NDST3: variants seen among roughly 807,000 people sequenced by gnomAD.
The protein encoded by NDST3 is bifunctional heparan sulfate N-deacetylase/N-sulfotransferase 3.
In NDST3, 58 loss-of-function variants were observed where a neutral mutation model predicts 96.1. That is an observed-to-expected ratio of 0.60 (90% CI 0.49 to 0.75). NDST3 has a LOEUF of 0.75. NDST3 is among the 30% of genes least tolerant of loss of function. The pLI is 0.00. For missense variants in NDST3, 788 were observed against 1,034.2 expected (o/e 0.76, Z 3.27); for synonymous variants, 333 against 359.7 (o/e 0.93, Z 0.84).
At chr4:118,078,107 G>A (rs916520036) in intron 2 of NDST3, among the ~76,000 whole-genome samples, 5 of 152,078 alleles carry the variant, frequency 3.3e-5, no homozygotes, top group Non-Finnish European at 5.9e-5. Flanking sequence ...AGGACCCCAC[G>A]GGGCTCTCAC....
rs1193005479 is a variant in NDST3, at chr4:118,098,008, T to C, written c.982-7010T>C. ...TTTTTAACACATAACACAAACCTTTTTTTGGAAGGGGGTGGGTTGCTGAAC... is the reference window on the plus strand; with the variant it reads ...TTTTTAACACATAACACAAACCTTTCTTTGGAAGGGGGTGGGTTGCTGAAC... On this transcript the variant is annotated intron_variant, in intron 2 of 13. Transcript: ENST00000296499. Among the ~76,000 whole-genome samples the C allele has an allele frequency of 6.0e-5, 9 of 150,812 alleles. No homozygotes were observed. In the Admixed American group the frequency reaches 6.0e-4, roughly 10 times the overall value.
intron 6 of NDST3, among the ~76,000 whole-genome samples, chr4:118,166,902 G>A (rs547786253): frequency 4.0e-5 from 6 of 151,758 alleles, no homozygotes; most frequent in South Asian, 2.1e-4. Flanking sequence ...TTACCTCAAC[G>A]TAATAAAAGC....
chr4:118,154,680 T>C (rs950899470), intron 6 of NDST3, among the ~76,000 whole-genome samples: 1 of 152,192 alleles, frequency 6.6e-6, no homozygotes, highest in Non-Finnish European at 1.5e-5. Context: ...CTTTTAATTT[T>C]TGATGGAGAA....
chr4:118,104,467 G>A (rs533199450), intron 2 of NDST3, among the ~76,000 whole-genome samples: 2 of 152,280 alleles, frequency 1.3e-5, no homozygotes, highest in African/African-American at 2.4e-5. Context: ...CTTATCAGAA[G>A]TAGGATATTT....
At chr4:118,076,843 C>T (rs924736456) in intron 2 of NDST3, among the ~76,000 whole-genome samples, 1 of 152,172 alleles carries the variant, frequency 6.6e-6, no homozygotes, top group Non-Finnish European at 1.5e-5. Flanking sequence ...AAAACTACTT[C>T]AGTCGTTTTG....
intron 2 of NDST3, chr4:118,055,601 TTACA>T (rs2110452022): frequency 6.6e-6 from 1 of 152,112 alleles, no homozygotes; most frequent in South Asian, 2.1e-4. Context: ...GTTGATTGTG[TTACA>T]TAAACAGCTG....
chr4:118,215,476 A>G (rs983965541), intron 6 of NDST3, among the ~76,000 whole-genome samples: 1 of 152,092 alleles, frequency 6.6e-6, no homozygotes, highest in Non-Finnish European at 1.5e-5. Context: ...TGGCTGAAAC[A>G]TGAATGGAGG....
In NDST3 at chr4:118,096,708, T is replaced by TAGATAGATAGAC. The variant is rs1476720051; in HGVS notation, c.982-8307_982-8306insTAGATAGACAGA. On this transcript the variant is annotated intron_variant, in intron 2 of 13. Coordinates refer to ENST00000296499, the MANE Select transcript of NDST3 (RefSeq NM_004784.3). ...ATAGATAGATAGATAGATAGATAGA[T>TAGATAGATAGAC]AGACAGTTAGGCAGATGTATTATAA... Among the ~76,000 whole-genome samples, 530 of 145,336 alleles carry TAGATAGATAGAC rather than the reference T, an allele frequency of 3.6e-3. 2 individuals are homozygous for TAGATAGATAGAC. Among genetic ancestry groups the TAGATAGATAGAC allele is most frequent in the Middle Eastern group, 0.018 (5 of 284 alleles).
intron 6 of NDST3, among the ~76,000 whole-genome samples, chr4:118,196,133 T>C (rs528339637): frequency 6.6e-6 from 1 of 152,360 alleles, no homozygotes; most frequent in African/African-American, 2.4e-5. Flanking sequence ...TCTACTGATA[T>C]GATGTATCAC....
At chr4:118,040,851 ATATATT>A (rs1252439333) in intron 1 of NDST3, among the ~76,000 whole-genome samples, 3 of 81,648 alleles carry the variant, frequency 3.7e-5, no homozygotes, top group Admixed American at 1.7e-4. Flanking sequence ...TAATTTATAT[ATATATT>A]TATATATTTT....
chr4:118,075,945 T>G (rs996933543), intron 2 of NDST3, among the ~76,000 whole-genome samples: 3 of 152,168 alleles, frequency 2.0e-5, no homozygotes, highest in African/African-American at 7.2e-5. Context: ...TGCCATTGCT[T>G]TTTGTGTTTT....
intron 12 of NDST3, among the ~76,000 whole-genome samples, chr4:118,246,992 G>C (rs1427116879): frequency 2.0e-5 from 3 of 152,114 alleles, no homozygotes; most frequent in African/African-American, 4.8e-5. Context: ...GGCCACTTTG[G>C]AAAGCAGTTT....
chr4:118,055,938 T>C (rs1725400958), intron 2 of NDST3, among the ~76,000 whole-genome samples: 1 of 151,838 alleles, frequency 6.6e-6, no homozygotes, highest in African/African-American at 2.4e-5. Flanking sequence ...TGTAAGAGAG[T>C]GTGAAGACTG....
At chr4:118,075,016 A>G (rs1264542072) in intron 2 of NDST3, among the ~76,000 whole-genome samples, 1 of 152,006 alleles carries the variant, frequency 6.6e-6, no homozygotes, top group Non-Finnish European at 1.5e-5. Flanking sequence ...CTCATCATTT[A>G]CATTAGGTAT....
intron 3 of NDST3, among the ~76,000 whole-genome samples, chr4:118,112,305 A>G (rs1706588586): frequency 6.6e-6 from 1 of 152,222 alleles, no homozygotes; most frequent in African/African-American, 2.4e-5. Flanking sequence ...GCCAACTAAA[A>G]AAACATGAAT....
intron 1 of NDST3, among the ~76,000 whole-genome samples, chr4:118,042,862 ATCTC>A (rs4001572): frequency 2.0e-5 from 3 of 151,932 alleles, no homozygotes; most frequent in African/African-American, 4.8e-5. Flanking sequence ...AGCTTCACTA[ATCTC>A]TCTCTCTTTC....
intron 6 of NDST3, among the ~76,000 whole-genome samples, chr4:118,168,523 G>T (rs940756396): frequency 6.6e-6 from 1 of 151,984 alleles, no homozygotes; most frequent in Non-Finnish European, 1.5e-5. Flanking sequence ...TACACAGTTG[G>T]TAAGAATGTA....
intron 3 of NDST3, among the ~76,000 whole-genome samples, chr4:118,107,900 G>A (rs922412564): frequency 2.6e-5 from 4 of 152,132 alleles, no homozygotes; most frequent in Admixed American, 2.6e-4. Flanking sequence ...TAGTTTTCAT[G>A]CTGCTAATAA....
intron 4 of NDST3, among the ~76,000 whole-genome samples, chr4:118,124,115 A>G (rs186950849): frequency 6.6e-6 from 1 of 152,246 alleles, no homozygotes; most frequent in African/African-American, 2.4e-5. Context: ...TATCAAATTT[A>G]TGGTACACCA....
Sources: allele counts gnomAD v4.1 joint callset (sites outside exome capture counted in the v4.1 genomes callset), GRCh38; gene constraint gnomAD v4.1.1; transcripts MANE v1.5; gene names NCBI Gene and HGNC (gene_info 2026-07-23, HGNC 2026-07-21).